Variants in SLC12A2 observed in about 807,000 individuals in gnomAD.
The protein encoded by SLC12A2 is Na-K-2Cl cotransporter 1.
In SLC12A2, 67 loss-of-function variants were observed where a neutral mutation model predicts 136.3. The observed-to-expected ratio is 0.49, with a 90% CI of 0.40 to 0.60. SLC12A2 has a LOEUF of 0.60. Ranked by LOEUF, SLC12A2 falls within the 20% of genes least tolerant of loss-of-function variation. The pLI, the probability that SLC12A2 is intolerant of heterozygous loss-of-function variation, is 0.00. For missense variants in SLC12A2, 1,322 were observed against 1,534.7 expected (o/e 0.86, Z 2.32); for synonymous variants, 619 against 562.9 (o/e 1.10, Z -1.41).
rs1235690788 is a variant in SLC12A2, at chr5:128,186,522, CTG to C, written c.3534_3535del (p.Ser1179Ter). ...AGTCTCCCAGTTGCACGAAAAGGTG[CTG>C]TGTCTAGTGCTCTCTACATGGCATG... On this transcript the variant is annotated frameshift_variant, in exon 27 of 27. Transcript: ENST00000262461. LOFTEE classifies it high-confidence loss of function. 6.2e-7 allele frequency: 1 copy of C among 1,611,222 alleles called. No homozygotes were observed. The highest frequency in any genetic ancestry group is 8.5e-7 in the Non-Finnish European group (1 of 1,179,356).
At chr5:128,124,603 T>A (rs904414609) in intron 4 of SLC12A2, among the ~76,000 whole-genome samples, 2 of 152,180 alleles carry the variant, frequency 1.3e-5, no homozygotes, top group South Asian at 4.1e-4. Flanking sequence ...ATGCAGAGCT[T>A]CCATGACCTC....
chr5:128,146,043 T>G (rs1252564784), intron 10 of SLC12A2, among the ~76,000 whole-genome samples: 1 of 151,914 alleles, frequency 6.6e-6, no homozygotes, highest in Non-Finnish European at 1.5e-5. Flanking sequence ...TTTCACAGAT[T>G]CAGAAGTACA....
intron 13 of SLC12A2, 114 bp downstream of exon 13, chr5:128,150,212 G>C (rs1208728748): frequency 3.0e-6 from 2 of 663,440 alleles, no homozygotes; most frequent in African/African-American, 3.6e-5. Context: ...TTAATGCCAA[G>C]TCTGTCTTTA....
Position 128,167,749 on chromosome 5 carries a change from C to T in SLC12A2, c.2617-12C>T, listed in dbSNP as rs1472144626. ...AATATATCTGTAAAGTTATATTGAC[C>T]CTATATTTTAGGCTGCTGGTCTTGG... is the stretch of plus-strand genomic sequence containing the variant. On this transcript the variant is annotated splice_polypyrimidine_tract_variant and intron_variant, in intron 17 of 26. Coordinates refer to ENST00000262461, the MANE Select transcript of SLC12A2 (RefSeq NM_001046.3). 3.2e-6 allele frequency: 5 copies of T among 1,542,156 alleles called. No individual in the cohort carries two copies. The highest frequency in any genetic ancestry group is 2.3e-5 in the East Asian group (1 of 43,952).
intron 18 of SLC12A2, chr5:128,168,170 T>C (rs1467986301): frequency 3.4e-5 from 6 of 177,388 alleles, no homozygotes; most frequent in African/African-American, 1.4e-4. Flanking sequence ...CTTTTTCCTA[T>C]CCCTCCAGCT....
intron 4 of SLC12A2, among the ~76,000 whole-genome samples, chr5:128,127,144 T>C (rs1245617532): frequency 4.1e-5 from 4 of 98,516 alleles, no homozygotes; most frequent in Admixed American, 3.9e-4. Context: ...TTTTTTGAGA[T>C]GGGGTCTTGC....
In SLC12A2 at chr5:128,171,681, T is replaced by TA; in HGVS notation, c.2739dup (p.Gln914ThrfsTer44). On this transcript the variant is annotated frameshift_variant, in exon 19 of 27. Coordinates refer to ENST00000262461, the MANE Select transcript of SLC12A2 (RefSeq NM_001046.3). LOFTEE classifies it high-confidence loss of function. ...TTTGTTCTTAGTGATGCTTTTGACA[T>TA]ACAATATGGAGTAGTGGTTATTCGC... 6.4e-7 allele frequency: 1 copy of TA among 1,574,552 alleles called. No individual in the cohort carries two copies. The highest frequency in any genetic ancestry group is 8.6e-7 in the Non-Finnish European group (1 of 1,166,318).
At position 128,165,918 on chromosome 5, in the gene SLC12A2, T is replaced by TTC. The variant is rs1561698417; in HGVS notation, c.2617-1843_2617-1842insTC. ...AAGATATTCTTGGTTTTCTTTTACCTCCCCCCCCCCCCCCCAGTTAAAAAT... is the reference window on the plus strand; with the variant it reads ...AAGATATTCTTGGTTTTCTTTTACCTTCCCCCCCCCCCCCCCCAGTTAAAAAT... On this transcript the variant is annotated intron_variant, in intron 17 of 26. Coordinates refer to ENST00000262461, the MANE Select transcript of SLC12A2 (RefSeq NM_001046.3). Among the ~76,000 whole-genome samples, 44 of 83,800 alleles carry TTC rather than the reference T, an allele frequency of 5.3e-4. 1 individual carries two copies. The highest frequency in any genetic ancestry group is 9.0e-4 in the Non-Finnish European group (35 of 38,924). The allele number at this position is 83,800 out of a possible 152,430, so 55.0% of individuals were successfully genotyped here. A position where few individuals can be genotyped will look rare whatever the true frequency, so the allele number is the denominator to read the frequency against.
Position 128,138,734 on chromosome 5 carries a change from A to C in SLC12A2, c.1536+10A>C. The C allele has an allele frequency of 6.2e-7, 1 of 1,609,882 alleles. No homozygotes were observed. The highest frequency in any genetic ancestry group is 8.5e-7 in the Non-Finnish European group (1 of 1,177,628). ...CTCAGGTGATCTTGCAGTAAGTATTATAAAGTGCTATATCAATTATATATT... is the reference window on the plus strand; with the variant it reads ...CTCAGGTGATCTTGCAGTAAGTATTCTAAAGTGCTATATCAATTATATATT... On this transcript the variant is annotated intron_variant, in intron 8 of 26. Coordinates refer to ENST00000262461, the MANE Select transcript of SLC12A2 (RefSeq NM_001046.3).
chr5:128,184,765 A>C, intron 25 of SLC12A2, 24 bp from the exon 26 acceptor site: 3 of 1,611,572 alleles, frequency 1.9e-6, no homozygotes. Context: ...ATGGTCTAGG[A>C]ATGACTGTCC....
intron 1 of SLC12A2, chr5:128,110,350 T>C (rs1761097040): frequency 1.1e-6 from 1 of 948,646 alleles, no homozygotes. Context: ...CTGGATATGA[T>C]GTCTGTGCAA....
chr5:128,161,439 T>C lies in SLC12A2; in HGVS notation c.2476-221T>C, dbSNP rs1025563219. 3.3e-5 allele frequency among the ~76,000 whole-genome samples: 5 copies of C among 152,190 alleles called. No individual in the cohort carries two copies. The East Asian group carries it at 5.8e-4, about 18-fold the overall frequency. ...TTGTAAGTCTGTGTTTCTTCTCTTA[T>C]TCTTTCTACTGGCATCCCTGTGCCT... On this transcript the variant is annotated intron_variant, in intron 16 of 26. Coordinates refer to ENST00000262461, the MANE Select transcript of SLC12A2 (RefSeq NM_001046.3).
intron 4 of SLC12A2, among the ~76,000 whole-genome samples, chr5:128,128,254 G>T (rs1204940223): frequency 6.6e-6 from 1 of 152,092 alleles, no homozygotes; most frequent in African/African-American, 2.4e-5. Context: ...CCTAGTTAGG[G>T]TTTTGATTAC....
At chr5:128,153,219 G>C (rs546720008) in intron 15 of SLC12A2, among the ~76,000 whole-genome samples, 1 of 152,306 alleles carries the variant, frequency 6.6e-6, no homozygotes, top group East Asian at 1.9e-4. Context: ...ATACTAAAGA[G>C]CATTTATTAC....
intron 4 of SLC12A2, among the ~76,000 whole-genome samples, chr5:128,121,331 G>A (rs926556804): frequency 9.3e-5 from 14 of 149,926 alleles, no homozygotes; most frequent in African/African-American, 2.7e-4. Flanking sequence ...TTTTATTACC[G>A]TTTTTTTTTG....
chr5:128,114,638 A>G lies in SLC12A2; in HGVS notation c.1005A>G (p.Gly335=), dbSNP rs1761280506. ...MMATVVTTIT[G]LSTSAIATNG... Reference sequence around the variant, plus strand: ...CCACTGTTGTGACAACTATCACAGGATTGTCTACTTCAGCAATAGCAACTA... The same window carrying G: ...CCACTGTTGTGACAACTATCACAGGGTTGTCTACTTCAGCAATAGCAACTA... The change falls in exon 4 of 27, where the codon GGA becomes GGG. Residue 335 remains glycine, a synonymous_variant. Transcript: ENST00000262461. 6.2e-7 allele frequency: 1 copy of G among 1,612,678 alleles called. No homozygotes were observed. The highest frequency in any genetic ancestry group is 8.5e-7 in the Non-Finnish European group (1 of 1,178,976).
chr5:128,092,554 A>G (rs1284649344), intron 1 of SLC12A2, among the ~76,000 whole-genome samples: 1 of 152,222 alleles, frequency 6.6e-6, no homozygotes, highest in Non-Finnish European at 1.5e-5. Context: ...ATCAGGCAAA[A>G]TTAATTTATA....
chr5:128,139,207 T>C (rs972306726), intron 9 of SLC12A2, among the ~76,000 whole-genome samples: 2 of 152,106 alleles, frequency 1.3e-5, no homozygotes, highest in Non-Finnish European at 2.9e-5. Context: ...CTGAAAACAA[T>C]GTATGTGTAG....
intron 1 of SLC12A2, among the ~76,000 whole-genome samples, chr5:128,107,577 A>G (rs779532426): frequency 2.6e-5 from 4 of 152,178 alleles, no homozygotes; most frequent in Non-Finnish European, 2.9e-5. Context: ...TTTGCTGAGA[A>G]TGATGGTTTC....
Sources: gnomAD v4.1 joint callset for allele counts (sites outside exome capture counted in the v4.1 genomes callset) on GRCh38, gnomAD v4.1.1 for gene constraint, MANE v1.5 for transcripts, NCBI Gene and HGNC (gene_info 2026-07-23, HGNC 2026-07-21) for gene names.